Variants in MVB12B observed in about 807,000 individuals in gnomAD.
The protein encoded by MVB12B is ESCRT-I complex subunit MVB12B.
MVB12B carries 16 observed loss-of-function variants against 41.6 expected under a neutral mutation model. The ratio of observed to expected loss-of-function variants is 0.38; its 90% CI spans 0.26 to 0.58. The LOEUF (loss-of-function observed/expected upper bound fraction) is 0.58, where lower values mean the gene tolerates loss of function less well. Among genes scored for constraint, MVB12B ranks in the 20% least tolerant of loss-of-function variants. The pLI is 0.62. For missense variants in MVB12B, 274 were observed against 380.2 expected, an observed-to-expected ratio of 0.72 and a Z score of 2.32; for synonymous variants, 133 against 139.7, an observed-to-expected ratio of 0.95 and a Z score of 0.34.
chr9:126,483,825 G>A lies in MVB12B; in HGVS notation c.814-148G>A, dbSNP rs1359375113. On this transcript the variant is annotated intron_variant, in intron 8 of 9. Coordinates refer to ENST00000361171, the MANE Select transcript of MVB12B (RefSeq NM_033446.3). The stretch of plus-strand genomic sequence containing the variant: ...CTGCCACCCCCACGCGTGACCGAGA[G>A]TCCCACTGACTGTCTTCCTGTGGAA... 10 of 794,018 alleles carry A rather than the reference G, an allele frequency of 1.3e-5. No homozygotes were observed. In the Admixed American group the frequency reaches 1.9e-4, roughly 15 times the overall value. The allele number at this position is 794,018 out of a possible 1,614,324, so 49.2% of individuals were successfully genotyped here. A position where few individuals can be genotyped will look rare whatever the true frequency, so the allele number is the denominator to read the frequency against.
At chr9:126,502,542 CCA>C (rs1564355081) in intron 9 of MVB12B, among the ~76,000 whole-genome samples, 3 of 150,836 alleles carry the variant, frequency 2.0e-5, no homozygotes, top group African/African-American at 7.5e-5. Context: ...GAAGGTCCCC[CCA>C]CCGGGCAGCT....
At chr9:126,489,692 C>A (rs990461027) in intron 9 of MVB12B, among the ~76,000 whole-genome samples, 3 of 152,232 alleles carry the variant, frequency 2.0e-5, no homozygotes, top group African/African-American at 7.2e-5. Context: ...AGAGCAGTGG[C>A]CTTCTGCCTG....
chr9:126,470,033 A>G (rs955056582), intron 7 of MVB12B, among the ~76,000 whole-genome samples: 1 of 152,244 alleles, frequency 6.6e-6, no homozygotes, highest in South Asian at 2.1e-4. Context: ...GGCCCTAGGT[A>G]CAAACTAGCT....
chr9:126,449,171 C>T (rs930341434), intron 7 of MVB12B, among the ~76,000 whole-genome samples: 4 of 152,336 alleles, frequency 2.6e-5, no homozygotes, highest in Non-Finnish European at 5.9e-5. Flanking sequence ...AGCCCTGGGG[C>T]CTGGACTGGC....
At chr9:126,394,773 C>T (rs1831058470) in intron 5 of MVB12B, among the ~76,000 whole-genome samples, 2 of 152,142 alleles carry the variant, frequency 1.3e-5, no homozygotes, top group African/African-American at 4.8e-5. Flanking sequence ...TTAGGGGTTC[C>T]CACAGAATAA....
intron 6 of MVB12B, chr9:126,396,425 G>A (rs1299563582): frequency 7.1e-6 from 7 of 985,368 alleles, no homozygotes; most frequent in South Asian, 4.7e-5. Context: ...AAACAAGAAC[G>A]GTGAGGCAGC....
intron 7 of MVB12B, among the ~76,000 whole-genome samples, chr9:126,470,532 G>T (rs937478512): frequency 6.6e-6 from 1 of 152,146 alleles, no homozygotes; most frequent in Non-Finnish European, 1.5e-5. Context: ...GAGGAGGTGG[G>T]GGGGCTGGTG....
intron 6 of MVB12B, among the ~76,000 whole-genome samples, chr9:126,403,437 G>A (rs1033002646): frequency 1.3e-5 from 2 of 152,158 alleles, no homozygotes; most frequent in Admixed American, 6.5e-5. Context: ...CCTGGCCTGC[G>A]TCGTTTTCCT....
chr9:126,467,717 G>A (rs1833226990), intron 7 of MVB12B, among the ~76,000 whole-genome samples: 8 of 152,122 alleles, frequency 5.3e-5, no homozygotes, highest in Admixed American at 5.2e-4. Context: ...TAGCCAATGG[G>A]AACCCCTTCA....
intron 7 of MVB12B, among the ~76,000 whole-genome samples, chr9:126,458,511 G>A (rs1268784358): frequency 6.6e-6 from 1 of 152,104 alleles, no homozygotes; most frequent in Non-Finnish European, 1.5e-5. Flanking sequence ...TGCTCTTTTG[G>A]ATTCACGTGA....
chr9:126,382,675 A>T (rs1307782090), intron 3 of MVB12B, among the ~76,000 whole-genome samples: 1 of 152,176 alleles, frequency 6.6e-6, no homozygotes, highest in Non-Finnish European at 1.5e-5. Flanking sequence ...TCAGTTAAAA[A>T]TGGCCTGAGG....
intron 7 of MVB12B, among the ~76,000 whole-genome samples, chr9:126,456,624 T>C (rs551077100): frequency 4.5e-4 from 69 of 152,288 alleles, no homozygotes; most frequent in African/African-American, 1.6e-3. Context: ...GACTGAATCA[T>C]AAAGACTGCC....
chr9:126,438,409 A>G (rs998578531), intron 7 of MVB12B, among the ~76,000 whole-genome samples: 2 of 152,188 alleles, frequency 1.3e-5, no homozygotes, highest in African/African-American at 4.8e-5. Flanking sequence ...TATCCAAAAA[A>G]AAAAAGTCTA....
chr9:126,355,338 C>A (rs1378202609), intron 2 of MVB12B, among the ~76,000 whole-genome samples: 2 of 152,178 alleles, frequency 1.3e-5, no homozygotes, highest in African/African-American at 4.8e-5. Context: ...CTTTGCCCTT[C>A]AGGCTGGGAT....
intron 7 of MVB12B, among the ~76,000 whole-genome samples, chr9:126,450,878 G>A (rs1832875598): frequency 1.3e-5 from 2 of 152,206 alleles, no homozygotes; most frequent in Admixed American, 1.3e-4. Flanking sequence ...AGATCAAGCA[G>A]GAGGAATGAC....
chr9:126,368,780 C>T (rs1377548797), intron 2 of MVB12B, among the ~76,000 whole-genome samples: 1 of 152,088 alleles, frequency 6.6e-6, no homozygotes, highest in Non-Finnish European at 1.5e-5. Flanking sequence ...TAATAACAGC[C>T]AAGGCTTAAG....
intron 7 of MVB12B, chr9:126,448,505 A>G (rs1588181765): frequency 6.6e-6 from 1 of 152,274 alleles, no homozygotes; most frequent in Non-Finnish European, 1.5e-5. Context: ...TTGTGTTTCT[A>G]TAAAGAAATA....
Position 126,392,830 on chromosome 9 carries a change from C to G in MVB12B, c.539+635C>G, listed in dbSNP as rs1830998023. On this transcript the variant is annotated intron_variant, in intron 5 of 9. Coordinates refer to ENST00000361171, the MANE Select transcript of MVB12B (RefSeq NM_033446.3). This position sits in a 1 kb window ranked among gnomAD's most constrained non-coding sequence, Gnocchi z 4.8. ...AGGAGAGAAGTGGGAATGAGCATGG[C>G]ACGTTCTGGGAGCAGAACACAGCCC... Among the ~76,000 whole-genome samples, 1 of 152,160 alleles carries G rather than the reference C, an allele frequency of 6.6e-6. No homozygotes were observed. The highest frequency in any genetic ancestry group is 1.5e-5 in the Non-Finnish European group (1 of 68,014).
intron 7 of MVB12B, among the ~76,000 whole-genome samples, chr9:126,433,188 A>G (rs1460568157): frequency 1.3e-5 from 2 of 151,654 alleles, no homozygotes; most frequent in Non-Finnish European, 2.9e-5. Context: ...TGAAGCTTAG[A>G]ACCATGCCTG....
Sources: gnomAD v4.1 joint callset for allele counts (sites outside exome capture counted in the v4.1 genomes callset) on GRCh38, gnomAD v4.1.1 for gene constraint, Gnocchi (gnomAD v3.1) non-coding constraint, MANE v1.5 for transcripts, NCBI Gene and HGNC (gene_info 2026-07-23, HGNC 2026-07-21) for gene names.